The following PCLO variants were observed in gnomAD, a reference collection of about 807,000 sequenced individuals.
PCLO encodes the protein protein piccolo.
PCLO carries 82 observed loss-of-function variants against 427.5 expected under a neutral mutation model. The observed-to-expected ratio is 0.19, with a 90% CI of 0.16 to 0.23. The LOEUF is 0.23. PCLO is among the 10% of genes least tolerant of loss of function. PCLO has a pLI of 1.00. For missense variants in PCLO, 6,239 were observed against 6,115.9 expected (o/e 1.02, Z -0.67); for synonymous variants, 2,357 against 2,155.4 (o/e 1.09, Z -2.59).
At chr7:83,110,662 G>A (rs373701575) in intron 3 of PCLO, among the ~76,000 whole-genome samples, 9 of 152,094 alleles carry the variant, frequency 5.9e-5, no homozygotes, top group East Asian at 5.8e-4. Flanking sequence ...TTAGACTTGA[G>A]TAATCTAACT....
chr7:82,842,721 A>G (rs184307999), intron 13 of PCLO, among the ~76,000 whole-genome samples: 30 of 152,264 alleles, frequency 2.0e-4, no homozygotes, highest in African/African-American at 6.7e-4. Context: ...AGGAAAACAA[A>G]TAACCTGAAT....
intron 10 of PCLO, among the ~76,000 whole-genome samples, chr7:82,862,154 C>A (rs1792973246): frequency 6.6e-6 from 1 of 151,756 alleles, no homozygotes; most frequent in Non-Finnish European, 1.5e-5. Flanking sequence ...TACAAAAGCT[C>A]AACAAAACCA....
At chr7:83,160,648 G>A (rs1018057592) in intron 1 of PCLO, among the ~76,000 whole-genome samples, 1 of 152,034 alleles carries the variant, frequency 6.6e-6, no homozygotes, top group African/African-American at 2.4e-5. Flanking sequence ...TATCAATAGA[G>A]AGCTTTAAAA....
chr7:82,970,331 T>G (rs2115694601), intron 3 of PCLO, among the ~76,000 whole-genome samples: 1 of 152,104 alleles, frequency 6.6e-6, no homozygotes, highest in South Asian at 2.1e-4. Context: ...AAGGTTTCTG[T>G]AAAGGAGTAA....
intron 22 of PCLO, among the ~76,000 whole-genome samples, chr7:82,776,910 A>G (rs979798272): frequency 0.02 from 2,820 of 142,830 alleles, 93 homozygotes; most frequent in African/African-American, 0.073. Context: ...ATATACGCAC[A>G]CACACACACA....
At chr7:83,152,965 C>T (rs1163473613) in intron 2 of PCLO, among the ~76,000 whole-genome samples, 1 of 152,066 alleles carries the variant, frequency 6.6e-6, no homozygotes, top group Non-Finnish European at 1.5e-5. Flanking sequence ...GTCTTTCTTA[C>T]ATTGGATGTA....
intron 22 of PCLO, among the ~76,000 whole-genome samples, chr7:82,800,212 C>T (rs779846365): frequency 3.3e-5 from 5 of 152,080 alleles, no homozygotes; most frequent in Non-Finnish European, 7.4e-5. Flanking sequence ...TCACTTAAGC[C>T]CCTGAGAAAA....
At chr7:82,943,657 G>A (rs1248515847) in intron 6 of PCLO, among the ~76,000 whole-genome samples, 1 of 152,062 alleles carries the variant, frequency 6.6e-6, no homozygotes, top group African/African-American at 2.4e-5. Flanking sequence ...ATCATCTGGG[G>A]TAGGATGTAA....
At chr7:82,877,131 T>A (rs1490610783) in intron 10 of PCLO, among the ~76,000 whole-genome samples, 1 of 152,128 alleles carries the variant, frequency 6.6e-6, no homozygotes, top group Non-Finnish European at 1.5e-5. Context: ...TGAGATGGTA[T>A]CATATCTATT....
At chr7:82,901,241 T>G (rs1415951947) in intron 9 of PCLO, among the ~76,000 whole-genome samples, 1 of 151,872 alleles carries the variant, frequency 6.6e-6, no homozygotes, top group Non-Finnish European at 1.5e-5. Flanking sequence ...TACTTATTTT[T>G]TTACATTTCT....
intron 3 of PCLO, among the ~76,000 whole-genome samples, chr7:83,006,361 G>A (rs184959660): frequency 2.0e-5 from 3 of 151,582 alleles, no homozygotes; most frequent in Non-Finnish European, 4.4e-5. Context: ...ACAGCACATG[G>A]TAAAGTTAAT....
At chr7:82,913,389 T>C (rs1462031176) in intron 7 of PCLO, among the ~76,000 whole-genome samples, 1 of 152,096 alleles carries the variant, frequency 6.6e-6, no homozygotes, top group Non-Finnish European at 1.5e-5. Flanking sequence ...TATTTTCCTG[T>C]GAGTCCTCAA....
chr7:82,923,399 A>C (rs1440999657), intron 6 of PCLO, among the ~76,000 whole-genome samples: 1 of 152,092 alleles, frequency 6.6e-6, no homozygotes, highest in Non-Finnish European at 1.5e-5. Context: ...AGAAAAAAAA[A>C]GTTCAAAAGC....
At chr7:82,854,234 T>C (rs540520996) in intron 10 of PCLO, among the ~76,000 whole-genome samples, 1 of 152,246 alleles carries the variant, frequency 6.6e-6, no homozygotes, top group East Asian at 1.9e-4. Context: ...CATTGTTACA[T>C]TGTTATATTT....
intron 22 of PCLO, among the ~76,000 whole-genome samples, chr7:82,793,056 T>C (rs1394001384): frequency 6.6e-6 from 1 of 152,064 alleles, no homozygotes; most frequent in Non-Finnish European, 1.5e-5. Flanking sequence ...TCTCTAACTG[T>C]TCTCAACACT....
chr7:83,159,284 A>C (rs936393094), intron 1 of PCLO, among the ~76,000 whole-genome samples: 55 of 152,196 alleles, frequency 3.6e-4, no homozygotes, highest in African/African-American at 1.3e-3. Flanking sequence ...TTTGGCCTGC[A>C]CCTTTAGGAA....
At chr7:83,082,628 G>C (rs1790130022) in intron 3 of PCLO, among the ~76,000 whole-genome samples, 1 of 151,618 alleles carries the variant, frequency 6.6e-6, no homozygotes, top group African/African-American at 2.4e-5. Context: ...TTTCAAAATA[G>C]CTAAAAGAGT....
chr7:82,920,867 A>C (rs147037323), intron 6 of PCLO, among the ~76,000 whole-genome samples: 2 of 151,932 alleles, frequency 1.3e-5, no homozygotes, highest in African/African-American at 4.8e-5. Context: ...GTTTTTTCAA[A>C]TATTGAAAAA....
chr7:82,784,976 CA>C (rs1275273535), intron 22 of PCLO, among the ~76,000 whole-genome samples: 1 of 152,152 alleles, frequency 6.6e-6, no homozygotes, highest in Non-Finnish European at 1.5e-5. Flanking sequence ...TTTACAACCA[CA>C]AAAAACTGGA....
Sources: allele counts gnomAD v4.1 joint callset (sites outside exome capture counted in the v4.1 genomes callset), GRCh38; gene constraint gnomAD v4.1.1; transcripts MANE v1.5; gene names NCBI Gene and HGNC (gene_info 2026-07-23, HGNC 2026-07-21).